The following FRAS1 variants were observed in gnomAD, a reference collection of about 807,000 sequenced individuals.
FRAS1 encodes the protein Fraser extracellular matrix complex subunit 1.
FRAS1 carries 290 observed loss-of-function variants against 435.2 expected under a neutral mutation model. That is an observed-to-expected ratio of 0.67 (90% CI 0.61 to 0.73). FRAS1 has a LOEUF of 0.73. Ranked by LOEUF, FRAS1 falls within the 30% of genes least tolerant of loss-of-function variation. The pLI is 0.00. For missense variants in FRAS1, 4,860 were observed against 5,001.5 expected (o/e 0.97, Z 0.85); for synonymous variants, 1,800 against 1,851.0 (o/e 0.97, Z 0.71).
intron 21 of FRAS1, 98 bp from the exon 22 acceptor site, chr4:78,363,810 T>C: frequency 6.9e-7 from 1 of 1,452,220 alleles, no homozygotes; most frequent in South Asian, 1.4e-5. Flanking sequence ...GACTTGCCAA[T>C]GTTCTCAGTG....
At position 78,394,617 on chromosome 4, in the gene FRAS1, A is replaced by G. The variant is rs374459551; in HGVS notation, c.3976-6117A>G. ...ATGTTTTAATTACTATAACTTTGTAATGTAATTTGGAATTAGAAAGTGTGA... is the reference window on the plus strand; with the variant it reads ...ATGTTTTAATTACTATAACTTTGTAGTGTAATTTGGAATTAGAAAGTGTGA... On this transcript the variant is annotated intron_variant, in intron 29 of 73. Coordinates refer to ENST00000512123, the MANE Select transcript of FRAS1 (RefSeq NM_025074.7). 2.4e-4 allele frequency among the ~76,000 whole-genome samples: 37 copies of G among 152,108 alleles called. No homozygotes were observed. In the South Asian group the frequency reaches 3.5e-3, roughly 14 times the overall value.
chr4:78,511,139 GATGA>G, intron 63 of FRAS1, 131 bp from the exon 64 acceptor site: 7 of 733,190 alleles, frequency 9.5e-6, no homozygotes, highest in Non-Finnish European at 1.3e-5. Flanking sequence ...ATAATTACGT[GATGA>G]ATGAATGAAT....
intron 3 of FRAS1, among the ~76,000 whole-genome samples, chr4:78,242,230 G>A (rs1209961817): frequency 1.3e-5 from 2 of 152,152 alleles, no homozygotes; most frequent in South Asian, 4.1e-4. Context: ...TAGTGGTTTA[G>A]TCACTTATCC....
chr4:78,328,966 C>T lies in FRAS1; in HGVS notation c.2138-4306C>T, dbSNP rs565697329. ...CCCACCAGGCCTCGTATGATACTCC[C>T]CATTCTGAGCCCAGAACACCCAGAA... On this transcript the variant is annotated intron_variant, in intron 18 of 73. Coordinates refer to ENST00000512123, the MANE Select transcript of FRAS1 (RefSeq NM_025074.7). 9.2e-5 allele frequency among the ~76,000 whole-genome samples: 14 copies of T among 152,272 alleles called. No individual in the cohort carries two copies. In the East Asian group the frequency reaches 2.5e-3, roughly 27 times the overall value.
intron 2 of FRAS1, among the ~76,000 whole-genome samples, chr4:78,143,730 T>A (rs1215008351): frequency 1.4e-5 from 2 of 140,452 alleles, no homozygotes; most frequent in Non-Finnish European, 1.5e-5. Flanking sequence ...ACCCTGTCTC[T>A]ACTAAAAATA....
At chr4:78,405,840 C>G (rs1578303074) in intron 30 of FRAS1, among the ~76,000 whole-genome samples, 1 of 152,350 alleles carries the variant, frequency 6.6e-6, no homozygotes, top group East Asian at 1.9e-4. Flanking sequence ...AATATAGCTT[C>G]TGCTTGCAGC....
chr4:78,522,884 G>A (rs1050708570), intron 69 of FRAS1, 76 bp downstream of exon 69: 11 of 1,278,404 alleles, frequency 8.6e-6, no homozygotes, highest in African/African-American at 1.5e-5. Context: ...GGGAAATAGT[G>A]CTTTCCTCTG....
intron 2 of FRAS1, among the ~76,000 whole-genome samples, chr4:78,086,542 G>T (rs1292694665): frequency 6.6e-6 from 1 of 152,018 alleles, no homozygotes; most frequent in Non-Finnish European, 1.5e-5. Context: ...GACTAATAAA[G>T]AAGAAAAGAG....
At chr4:78,509,385 C>T (rs181532423) in intron 63 of FRAS1, among the ~76,000 whole-genome samples, 1 of 152,312 alleles carries the variant, frequency 6.6e-6, no homozygotes, top group East Asian at 1.9e-4. Flanking sequence ...CAGATAGGCG[C>T]TGTTGATTAC....
At chr4:78,068,825 A>C in intron 2 of FRAS1, 1 of 347,188 alleles carries the variant, frequency 2.9e-6, no homozygotes, top group Non-Finnish European at 5.6e-6. Context: ...TTCCATTTTA[A>C]GGACAATGAA....
chr4:78,082,457 A>G (rs1740940057), intron 2 of FRAS1, among the ~76,000 whole-genome samples: 2 of 152,182 alleles, frequency 1.3e-5, no homozygotes, highest in African/African-American at 4.8e-5. Context: ...ACAGTTGAGC[A>G]AAACAACATA....
At chr4:78,167,049 C>T (rs1721360145) in intron 2 of FRAS1, among the ~76,000 whole-genome samples, 1 of 152,156 alleles carries the variant, frequency 6.6e-6, no homozygotes, top group Non-Finnish European at 1.5e-5. Flanking sequence ...TTGTGTTTAG[C>T]CCATTGCGTA....
chr4:78,180,693 C>A (rs1721961320), intron 2 of FRAS1, among the ~76,000 whole-genome samples: 1 of 152,062 alleles, frequency 6.6e-6, no homozygotes. Flanking sequence ...TTTGTTACTT[C>A]TGTGTAGCGA....
At position 78,245,085 on chromosome 4, in the gene FRAS1, T is replaced by C; in HGVS notation, c.217-148T>C. On this transcript the variant is annotated intron_variant, in intron 3 of 73. Transcript: ENST00000512123. ...GCTTATCTGGACACAGAACCTTTTT[T>C]TCAGTCTATTCATTTTATCCCATCT... 4 of 641,146 alleles carry C rather than the reference T, an allele frequency of 6.2e-6. No homozygotes were observed. In the South Asian group the frequency reaches 7.5e-5, roughly 12 times the overall value. The allele number at this position is 641,146 out of a possible 1,614,324, so 39.7% of individuals were successfully genotyped here. A position where few individuals can be genotyped will look rare whatever the true frequency, so the allele number is the denominator to read the frequency against.
intron 51 of FRAS1, among the ~76,000 whole-genome samples, chr4:78,470,791 A>G (rs889738702): frequency 1.4e-4 from 22 of 152,280 alleles, no homozygotes; most frequent in Admixed American, 5.9e-4. Context: ...ATCCCCGTAG[A>G]TACTGAGGGA....
intron 70 of FRAS1, among the ~76,000 whole-genome samples, chr4:78,529,479 C>T (rs1721647136): frequency 1.3e-5 from 2 of 152,150 alleles, no homozygotes; most frequent in Admixed American, 6.5e-5. Flanking sequence ...CTCCCTCTCT[C>T]TTCCCCACTA....
At chr4:78,407,917 A>G in intron 31 of FRAS1, 76 bp downstream of exon 31, 2 of 1,301,576 alleles carry the variant, frequency 1.5e-6, no homozygotes, top group Admixed American at 2.9e-5. Flanking sequence ...AATCAACTTG[A>G]GTAATTTTCT....
At chr4:78,497,502 A>G (rs1720541362) in intron 60 of FRAS1, among the ~76,000 whole-genome samples, 1 of 152,236 alleles carries the variant, frequency 6.6e-6, no homozygotes, top group Non-Finnish European at 1.5e-5. Context: ...ACTAAAATAG[A>G]TATTTTAATG....
chr4:78,290,077 A>G (rs1441242367), intron 14 of FRAS1, among the ~76,000 whole-genome samples: 1 of 152,190 alleles, frequency 6.6e-6, no homozygotes, highest in Non-Finnish European at 1.5e-5. Flanking sequence ...TGAACTGTGC[A>G]CACAAATCTT....
Sources: allele counts gnomAD v4.1 joint callset (sites outside exome capture counted in the v4.1 genomes callset), GRCh38; gene constraint gnomAD v4.1.1; transcripts MANE v1.5; gene names NCBI Gene and HGNC (gene_info 2026-07-23, HGNC 2026-07-21).